The following RANBP2 variants were observed in gnomAD, a reference collection of about 807,000 sequenced individuals.
RANBP2 encodes the protein E3 SUMO-protein ligase RanBP2.
RANBP2 carries 57 observed loss-of-function variants against 303.6 expected under a neutral mutation model. That is an observed-to-expected ratio of 0.19 (90% CI 0.15 to 0.23). The LOEUF is 0.23. RANBP2 is among the 10% of genes least tolerant of loss of function. The pLI is 1.00. For synonymous variants in RANBP2, 1,167 were observed against 1,301.5 expected, an observed-to-expected ratio of 0.90 and a Z score of 2.23; for missense variants, 3,138 against 3,780.8, an observed-to-expected ratio of 0.83 and a Z score of 4.46.
the RANBP2 span, among the ~76,000 whole-genome samples, chr2:109,040,116 G>A: frequency 6.6e-6 from 1 of 151,964 alleles, no homozygotes; most frequent in East Asian, 1.9e-4. Flanking sequence ...AATGCACCTG[G>A]AATTAATTTT....
At chr2:109,235,456 C>T in the RANBP2 span, among the ~76,000 whole-genome samples, 1 of 152,136 alleles carries the variant, frequency 6.6e-6, no homozygotes, top group Non-Finnish European at 1.5e-5. Flanking sequence ...CTTTTGAGAG[C>T]AAGGGGCCCT....
chr2:109,774,443 T>G, the RANBP2 span, among the ~76,000 whole-genome samples: 2 of 11,422 alleles, frequency 1.8e-4, 1 homozygote, highest in Non-Finnish European at 2.6e-4. Flanking sequence ...TGAGCCTAGA[T>G]TGCGCCATTG....
the RANBP2 span, among the ~76,000 whole-genome samples, chr2:109,170,274 CT>C: frequency 1.0e-5 from 1 of 97,450 alleles, no homozygotes; most frequent in Non-Finnish European, 2.4e-5. Flanking sequence ...CTTCTCTTCT[CT>C]TCTCTTCTCT....
the RANBP2 span, among the ~76,000 whole-genome samples, chr2:109,123,050 G>A: frequency 1.3e-5 from 2 of 152,200 alleles, no homozygotes; most frequent in Non-Finnish European, 2.9e-5. Flanking sequence ...CCTGGTGGAC[G>A]ATGTAGCCCA....
the RANBP2 span, among the ~76,000 whole-genome samples, chr2:108,849,146 A>G: frequency 1.3e-5 from 2 of 152,224 alleles, no homozygotes; most frequent in Admixed American, 6.5e-5. Flanking sequence ...ACTGGGATAC[A>G]TAGCAATAGA....
At chr2:109,090,548 T>A in the RANBP2 span, among the ~76,000 whole-genome samples, 1 of 152,186 alleles carries the variant, frequency 6.6e-6, no homozygotes, top group Non-Finnish European at 1.5e-5. Context: ...ACTCTCCAGC[T>A]TCTGGAGCAA....
At chr2:109,411,417 C>T in the RANBP2 span, among the ~76,000 whole-genome samples, 20,990 of 152,170 alleles carry the variant, frequency 0.14, 1,493 homozygotes, top group Admixed American at 0.19. Flanking sequence ...ACATTCTGTA[C>T]AGCTGGGCCT....
the RANBP2 span, among the ~76,000 whole-genome samples, chr2:108,925,772 G>A: frequency 6.6e-6 from 1 of 152,030 alleles, no homozygotes. Flanking sequence ...CATGCACCAC[G>A]ACGCCTGGCT....
At chr2:109,615,114 G>C in the RANBP2 span, 1 of 1,549,688 alleles carries the variant, frequency 6.5e-7, no homozygotes, top group Non-Finnish European at 8.7e-7. Context: ...CCGTGACCTG[G>C]TGATGGGCAG....
At chr2:109,701,726 CTA>C in the RANBP2 span, among the ~76,000 whole-genome samples, 1 of 152,154 alleles carries the variant, frequency 6.6e-6, no homozygotes, top group South Asian at 2.1e-4. Context: ...ATCTTTGTAG[CTA>C]TCTTACTCAG....
At chr2:109,534,330 C>A in the RANBP2 span, among the ~76,000 whole-genome samples, 2 of 152,192 alleles carry the variant, frequency 1.3e-5, no homozygotes, top group African/African-American at 4.8e-5. Context: ...GTTCCCTAAC[C>A]CATCCACCTG....
the RANBP2 span, among the ~76,000 whole-genome samples, chr2:109,570,688 A>G: frequency 6.6e-6 from 1 of 151,456 alleles, no homozygotes; most frequent in Non-Finnish European, 1.5e-5. Flanking sequence ...TGCCCAGCTA[A>G]TTTTTTTGTA....
the RANBP2 span, among the ~76,000 whole-genome samples, chr2:108,824,884 C>T: frequency 1.3e-5 from 2 of 151,940 alleles, no homozygotes; most frequent in African/African-American, 4.8e-5. Context: ...TCTCATGGGA[C>T]CAGCATTGTT....
chr2:109,585,282 A>G, the RANBP2 span: 1 of 1,610,484 alleles, frequency 6.2e-7, no homozygotes, highest in Admixed American at 1.7e-5. Flanking sequence ...AGTATTAAAC[A>G]ATGTGTCAAT....
chr2:109,397,061 G>C, the RANBP2 span, among the ~76,000 whole-genome samples: 1 of 152,166 alleles, frequency 6.6e-6, no homozygotes, highest in Non-Finnish European at 1.5e-5. Flanking sequence ...AGGTGCCTCT[G>C]TGGTGCCCTA....
chr2:108,824,020 C>G, the RANBP2 span, among the ~76,000 whole-genome samples: 3 of 152,014 alleles, frequency 2.0e-5, no homozygotes, highest in Non-Finnish European at 4.4e-5. Context: ...GAATAGAGCA[C>G]TTAACCATGA....
the RANBP2 span, among the ~76,000 whole-genome samples, chr2:109,370,237 CTCTT>C: frequency 4.3e-4 from 64 of 149,210 alleles, no homozygotes; most frequent in South Asian, 6.1e-3. Flanking sequence ...GTCTCTCTCT[CTCTT>C]TTTCTTTTTT....
the RANBP2 span, among the ~76,000 whole-genome samples, chr2:109,024,872 A>G: frequency 3.3e-5 from 5 of 152,220 alleles, no homozygotes; most frequent in African/African-American, 4.8e-5. Flanking sequence ...TATATAGCAT[A>G]TAATTGACCA....
chr2:109,316,886 G>A, the RANBP2 span, among the ~76,000 whole-genome samples: 1 of 152,218 alleles, frequency 6.6e-6, no homozygotes, highest in Non-Finnish European at 1.5e-5. Flanking sequence ...ACATCATACA[G>A]TTGGAAGTAT....
Sources: allele counts gnomAD v4.1 joint callset (sites outside exome capture counted in the v4.1 genomes callset), GRCh38; gene constraint gnomAD v4.1.1; transcripts MANE v1.5; gene names NCBI Gene and HGNC (gene_info 2026-07-23, HGNC 2026-07-21).